The following TMEM178B variants were observed in gnomAD, a reference collection of about 807,000 sequenced individuals.
TMEM178B encodes transmembrane protein 178B.
In TMEM178B, 5 loss-of-function variants were observed where a neutral mutation model predicts 31.0. The observed-to-expected ratio is 0.16, with a 90% CI of 0.08 to 0.34. The LOEUF (loss-of-function observed/expected upper bound fraction) is 0.34, where lower values mean the gene tolerates loss of function less well. Ranked by LOEUF, TMEM178B falls within the 10% of genes least tolerant of loss-of-function variation. The probability of loss-of-function intolerance (pLI) is 1.00; values close to 1 mark genes in which losing one functional copy is unlikely to be tolerated. For missense variants in TMEM178B, 275 were observed against 400.3 expected (o/e 0.69, Z 2.67); for synonymous variants, 164 against 164.0 (o/e 1.00, Z 0.00).
intron 2 of TMEM178B, among the ~76,000 whole-genome samples, chr7:141,257,929 C>CT (rs1353542216): frequency 6.6e-6 from 1 of 151,396 alleles, no homozygotes; most frequent in Non-Finnish European, 1.5e-5. Context: ...CCCTTACTTC[C>CT]TTTTTTGTTT....
intron 2 of TMEM178B, among the ~76,000 whole-genome samples, chr7:141,234,032 C>A (rs1326047702): frequency 6.6e-6 from 1 of 152,160 alleles, no homozygotes; most frequent in Admixed American, 6.5e-5. Flanking sequence ...GTGCAGTAGT[C>A]CTCTCTGATG....
chr7:141,258,608 G>A (rs1414036634), intron 2 of TMEM178B, among the ~76,000 whole-genome samples: 1 of 152,152 alleles, frequency 6.6e-6, no homozygotes, highest in East Asian at 1.9e-4. Flanking sequence ...TCAGCCCGAG[G>A]GCTTCCTTTA....
chr7:141,106,459 G>T (rs987477562), intron 1 of TMEM178B, among the ~76,000 whole-genome samples: 1 of 152,082 alleles, frequency 6.6e-6, no homozygotes, highest in Non-Finnish European at 1.5e-5. Flanking sequence ...TTAGGTTTTG[G>T]TGGGCCACAC....
chr7:141,501,627 T>C, the TMEM178B span, among the ~76,000 whole-genome samples: 2 of 152,204 alleles, frequency 1.3e-5, no homozygotes, highest in Non-Finnish European at 2.9e-5. Context: ...CCCTCTGTAA[T>C]ACAGGTGGGC....
rs1050337638 is a variant in TMEM178B, at chr7:141,472,356, A to G, written c.*1570A>G. 1.3e-5 allele frequency: 2 copies of G among 152,286 alleles called. No homozygotes were observed. The highest frequency in any genetic ancestry group is 4.8e-5 in the African/African-American group (2 of 41,554). 9.4% of individuals were successfully genotyped at this position (152,286 alleles called of 1,614,324 possible). ...CAAAATAACAGTCTTAGTGGCTAGC[A>G]CCCAAACAGAGGTGGAATAAATCCA... is the stretch of plus-strand genomic sequence containing the variant. On this transcript the variant is annotated 3_prime_UTR_variant, in exon 4 of 4. Coordinates refer to ENST00000565468, the MANE Select transcript of TMEM178B (RefSeq NM_001195278.2).
chr7:141,493,074 A>C, the TMEM178B span, among the ~76,000 whole-genome samples: 1 of 152,136 alleles, frequency 6.6e-6, no homozygotes, highest in Non-Finnish European at 1.5e-5. Flanking sequence ...GTGAATCTCC[A>C]TCTTGCTCTT....
At chr7:141,226,866 AAAAAAAAAG>A (rs1318095379) in intron 2 of TMEM178B, among the ~76,000 whole-genome samples, 33 of 117,668 alleles carry the variant, frequency 2.8e-4, no homozygotes, top group African/African-American at 9.2e-4. Flanking sequence ...TCTGAAAAAA[AAAAAAAAAG>A]AAAAAGAAAA....
At chr7:141,377,015 A>G (rs1297119813) in intron 2 of TMEM178B, among the ~76,000 whole-genome samples, 2 of 152,182 alleles carry the variant, frequency 1.3e-5, no homozygotes, top group Non-Finnish European at 2.9e-5. Flanking sequence ...GTACACATAT[A>G]TTAGGAAAAG....
chr7:141,219,478 C>T (rs1797219747), intron 2 of TMEM178B, among the ~76,000 whole-genome samples: 3 of 152,254 alleles, frequency 2.0e-5, no homozygotes, highest in South Asian at 4.1e-4. Flanking sequence ...CTGGGATCCA[C>T]AGGGGTCATC....
In TMEM178B at chr7:141,262,497, A is replaced by G. The variant is rs890884055; in HGVS notation, c.496+49793A>G. ...ATAATATATATATATATATATATAT[A>G]TATATATCCCTCCCTGCCTTTCCTG... On this transcript the variant is annotated intron_variant, in intron 2 of 3. Coordinates refer to ENST00000565468, the MANE Select transcript of TMEM178B (RefSeq NM_001195278.2). Among the ~76,000 whole-genome samples the G allele has an allele frequency of 6.3e-5, 9 of 142,774 alleles. No homozygotes were observed. In the East Asian group the frequency reaches 1.9e-3, roughly 30 times the overall value. 93.7% of individuals were successfully genotyped at this position (142,774 alleles called of 152,430 possible). A position where few individuals can be genotyped will look rare whatever the true frequency, so the allele number is the denominator to read the frequency against.
chr7:141,476,018 G>A lies in TMEM178B; in HGVS notation c.*5232G>A, dbSNP rs982767822. ...CACCTTACCTCATGGTATATTAAGG[G>A]TGACAAAGAAATTGCAAAGTGATTT... On this transcript the variant is annotated 3_prime_UTR_variant, in exon 4 of 4. Coordinates refer to ENST00000565468, the MANE Select transcript of TMEM178B (RefSeq NM_001195278.2). 2.6e-5 allele frequency: 4 copies of A among 152,140 alleles called. No homozygotes were observed. Among genetic ancestry groups the A allele is most frequent in the Non-Finnish European group, 5.9e-5 (4 of 68,024 alleles). 9.4% of individuals were successfully genotyped at this position (152,140 alleles called of 1,614,324 possible).
At chr7:141,293,752 C>G (rs1239554667) in intron 2 of TMEM178B, among the ~76,000 whole-genome samples, 1 of 152,120 alleles carries the variant, frequency 6.6e-6, no homozygotes, top group Non-Finnish European at 1.5e-5. Context: ...AAAGTTTTGT[C>G]TATAGCAGAA....
chr7:141,222,487 A>C (rs1289427495), intron 2 of TMEM178B, among the ~76,000 whole-genome samples: 1 of 152,218 alleles, frequency 6.6e-6, no homozygotes, highest in Non-Finnish European at 1.5e-5. Context: ...CTTGAGGATT[A>C]ATATAAAGTT....
intron 2 of TMEM178B, among the ~76,000 whole-genome samples, chr7:141,293,432 G>A (rs1047368264): frequency 1.3e-5 from 2 of 152,100 alleles, no homozygotes; most frequent in African/African-American, 4.8e-5. Context: ...TTGTTTGCTT[G>A]CTTTTTCTGG....
intron 1 of TMEM178B, among the ~76,000 whole-genome samples, chr7:141,148,511 G>C (rs1400987738): frequency 6.6e-6 from 1 of 152,232 alleles, no homozygotes; most frequent in Non-Finnish European, 1.5e-5. Flanking sequence ...AGATTGGTCA[G>C]GGATGGGAGG....
intron 2 of TMEM178B, among the ~76,000 whole-genome samples, chr7:141,300,061 G>C (rs979312356): frequency 2.0e-5 from 3 of 152,194 alleles, no homozygotes; most frequent in Non-Finnish European, 2.9e-5. Context: ...TGGGATTATA[G>C]GTGTGAGCCA....
chr7:141,240,718 C>T (rs1257199829), intron 2 of TMEM178B, among the ~76,000 whole-genome samples: 1 of 152,256 alleles, frequency 6.6e-6, no homozygotes, highest in Non-Finnish European at 1.5e-5. Flanking sequence ...TATAAACACA[C>T]AGCTGTGTGC....
intron 1 of TMEM178B, among the ~76,000 whole-genome samples, chr7:141,149,796 G>A (rs996233688): frequency 1.3e-5 from 2 of 152,232 alleles, no homozygotes; most frequent in African/African-American, 4.8e-5. Flanking sequence ...CCGCCCTGCG[G>A]GTTATGGAGA....
At chr7:141,324,798 T>C (rs1342265850) in intron 2 of TMEM178B, among the ~76,000 whole-genome samples, 33 of 152,184 alleles carry the variant, frequency 2.2e-4, no homozygotes, top group Non-Finnish European at 2.9e-5. Context: ...CATCATCGAT[T>C]ACATTTTTGG....
Sources: allele counts gnomAD v4.1 joint callset (sites outside exome capture counted in the v4.1 genomes callset), GRCh38; gene constraint gnomAD v4.1.1; transcripts MANE v1.5; gene names NCBI Gene and HGNC (gene_info 2026-07-23, HGNC 2026-07-21).